HBS1L: variants seen among roughly 807,000 people sequenced by gnomAD.
HBS1L encodes HBS1-like protein.
Under a neutral mutation model 88.9 loss-of-function variants are expected in HBS1L, and 55 were observed. The observed-to-expected ratio is 0.62, with a 90% CI of 0.50 to 0.77. HBS1L has a LOEUF of 0.77. HBS1L is among the 30% of genes least tolerant of loss of function. HBS1L has a pLI of 0.00. For synonymous variants in HBS1L, 267 were observed against 288.5 expected (o/e 0.93, Z 0.76); for missense variants, 741 against 829.3 (o/e 0.89, Z 1.31).
At chr6:135,010,650 G>A (rs1479799374) in intron 4 of HBS1L, among the ~76,000 whole-genome samples, 1 of 152,162 alleles carries the variant, frequency 6.6e-6, no homozygotes, top group Admixed American at 6.5e-5. Context: ...TTGCTTAAGT[G>A]TCATGCAGGT....
At chr6:135,000,005 T>A (rs1342480555) in intron 5 of HBS1L, among the ~76,000 whole-genome samples, 1 of 152,108 alleles carries the variant, frequency 6.6e-6, no homozygotes, top group Admixed American at 6.6e-5. Flanking sequence ...GTTGGTTGGA[T>A]TTTTTTCAGG....
At chr6:135,000,222 AT>A (rs33946758) in intron 5 of HBS1L, among the ~76,000 whole-genome samples, 125 of 129,376 alleles carry the variant, frequency 9.7e-4, no homozygotes, top group Middle Eastern at 3.8e-3. Context: ...TACCCAGCTA[AT>A]TTTTTTTTTT....
In HBS1L at chr6:134,979,863, T is replaced by C. The variant is rs1173689640; in HGVS notation, c.1598-595A>G. ...AGATCTGCATACTAATGACTAGTTA[T>C]ATGAAAAGAAAAATATTAAGGAAAT... On this transcript the variant is annotated intron_variant, in intron 13 of 17. Transcript: ENST00000367837. Among the ~76,000 whole-genome samples, 9 of 152,018 alleles carry C rather than the reference T, an allele frequency of 5.9e-5. 1 individual carries two copies. Among genetic ancestry groups the C allele is most frequent in the Admixed American group, 2.0e-4 (3 of 15,216 alleles).
At chr6:134,991,001 T>G (rs1228024987) in intron 8 of HBS1L, among the ~76,000 whole-genome samples, 1 of 151,698 alleles carries the variant, frequency 6.6e-6, no homozygotes, top group Non-Finnish European at 1.5e-5. Flanking sequence ...CCCCAGTGCT[T>G]GCTACACAGC....
At chr6:135,033,101 G>A (rs1305541165) in intron 4 of HBS1L, among the ~76,000 whole-genome samples, 1 of 152,048 alleles carries the variant, frequency 6.6e-6, no homozygotes, top group Admixed American at 6.5e-5. Flanking sequence ...AAACCAAAAA[G>A]AGTGAAGAGC....
chr6:135,035,750 C>CAAAAAAAAAAAAAAAAAAAAAAAAAAAA (rs34517904), intron 4 of HBS1L: 1 of 71,084 alleles, frequency 1.4e-5, no homozygotes, highest in Non-Finnish European at 2.2e-5. Flanking sequence ...GACTCTGTCT[C>CAAAAAAAAAAAAAAAAAAAAAAAAAAAA]AAAAAAAAAA....
At chr6:134,965,318 T>A (rs762691252) in intron 17 of HBS1L, 28 bp from the exon 18 acceptor site, 2 of 1,422,996 alleles carry the variant, frequency 1.4e-6, no homozygotes, top group Non-Finnish European at 2.0e-6. Flanking sequence ...AAAAAGACAT[T>A]TGCTGTAATT....
At chr6:135,036,963 G>A in intron 4 of HBS1L, 1 of 1,551,380 alleles carries the variant, frequency 6.4e-7, no homozygotes, top group South Asian at 1.2e-5. Context: ...CAAAATCTGG[G>A]TTTTTTATAA....
At chr6:134,968,995 T>C (rs1348615214) in intron 16 of HBS1L, among the ~76,000 whole-genome samples, 1 of 152,186 alleles carries the variant, frequency 6.6e-6, no homozygotes. Context: ...TTTACATTTA[T>C]TTATAATTCA....
At chr6:134,969,166 T>C (rs867005919) in intron 16 of HBS1L, 72 bp downstream of exon 16, 5 of 974,652 alleles carry the variant, frequency 5.1e-6, no homozygotes, top group South Asian at 4.0e-5. Flanking sequence ...AGAGAAATAC[T>C]ACACAAATGA....
At chr6:135,000,833 G>A (rs537260646) in intron 5 of HBS1L, among the ~76,000 whole-genome samples, 2 of 152,136 alleles carry the variant, frequency 1.3e-5, no homozygotes, top group South Asian at 4.2e-4. Flanking sequence ...ACACCACTGA[G>A]AATCACACTA....
chr6:135,007,352 CAG>C (rs1316000360), intron 4 of HBS1L, among the ~76,000 whole-genome samples: 2 of 152,056 alleles, frequency 1.3e-5, no homozygotes, highest in African/African-American at 4.8e-5. Flanking sequence ...TAAAAACTAA[CAG>C]AAACCATGGG....
chr6:135,024,450 A>C (rs1446273330), intron 4 of HBS1L, among the ~76,000 whole-genome samples: 1 of 149,962 alleles, frequency 6.7e-6, no homozygotes, highest in Non-Finnish European at 1.5e-5. Flanking sequence ...AAAAAAAAAA[A>C]AAAAAAAAAA....
rs77246737 is a variant in HBS1L, at chr6:135,017,611, T to G, written c.431-14769A>C. Among the ~76,000 whole-genome samples the G allele has an allele frequency of 1.8e-3, 277 of 152,076 alleles. 5 individuals carry two copies. In the East Asian group the frequency reaches 0.05, roughly 28 times the overall value. On this transcript the variant is annotated intron_variant, in intron 4 of 17. Transcript: ENST00000367837. ...TTGAAATCTAAAAATTTATTCCACATTTAAAAATATATAAAGAAAAGGAGG... is the reference window on the plus strand; with the variant it reads ...TTGAAATCTAAAAATTTATTCCACAGTTAAAAATATATAAAGAAAAGGAGG...
At chr6:134,970,495 G>T (rs1774452555) in intron 15 of HBS1L, among the ~76,000 whole-genome samples, 1 of 152,154 alleles carries the variant, frequency 6.6e-6, no homozygotes. Context: ...CCTTATCACT[G>T]AAATGAGGAA....
intron 4 of HBS1L, chr6:135,037,787 G>C: frequency 1.3e-6 from 2 of 1,549,100 alleles, no homozygotes; most frequent in Non-Finnish European, 1.7e-6. Flanking sequence ...AGGTTAGCTA[G>C]TGAAAGTTCT....
intron 5 of HBS1L, among the ~76,000 whole-genome samples, chr6:135,001,957 A>C (rs914083253): frequency 1.7e-4 from 25 of 149,494 alleles, no homozygotes; most frequent in African/African-American, 6.4e-4. Context: ...AAAAAAAGGA[A>C]AAAAAGTATA....
chr6:135,028,264 TA>T (rs35511460), intron 4 of HBS1L, among the ~76,000 whole-genome samples: 323 of 125,436 alleles, frequency 2.6e-3, no homozygotes, highest in Admixed American at 3.6e-3. Context: ...TGCAAGGTAA[TA>T]AAAAAAAAAA....
At chr6:135,052,717 A>G (rs1777126801) in intron 1 of HBS1L, among the ~76,000 whole-genome samples, 1 of 152,326 alleles carries the variant, frequency 6.6e-6, no homozygotes, top group East Asian at 1.9e-4. Flanking sequence ...TGTTTCCTCA[A>G]TCAACAAAAT....
Sources: gnomAD v4.1 joint callset for allele counts (sites outside exome capture counted in the v4.1 genomes callset) on GRCh38, gnomAD v4.1.1 for gene constraint, MANE v1.5 for transcripts, NCBI Gene and HGNC (gene_info 2026-07-23, HGNC 2026-07-21) for gene names.